The following CCDC77 variants were observed in gnomAD, a reference collection of about 807,000 sequenced individuals.
The protein encoded by CCDC77 is coiled-coil domain-containing protein 77.
In CCDC77, 56 loss-of-function variants were observed where a neutral mutation model predicts 66.8. That is an observed-to-expected ratio of 0.84 (90% CI 0.68 to 1.05). The LOEUF (loss-of-function observed/expected upper bound fraction) is 1.05. Ranked by LOEUF, CCDC77 falls within the 50% of genes least tolerant of loss-of-function variation. The pLI, the probability that CCDC77 is intolerant of heterozygous loss-of-function variation, is 0.00. For missense variants in CCDC77, 570 were observed against 576.8 expected, an observed-to-expected ratio of 0.99 and a Z score of 0.12; for synonymous variants, 196 against 195.2, an observed-to-expected ratio of 1.00 and a Z score of -0.03.
At chr12:430,986 A>G (rs1407739188) in intron 7 of CCDC77, among the ~76,000 whole-genome samples, 1 of 147,226 alleles carries the variant, frequency 6.8e-6, no homozygotes, top group African/African-American at 2.5e-5. Context: ...AGGCTGAGGC[A>G]GGAGGATTTC....
chr12:415,360 TATGTTAATATAATC>T (rs1945215048), intron 4 of CCDC77, among the ~76,000 whole-genome samples: 2 of 112,244 alleles, frequency 1.8e-5, no homozygotes, highest in Non-Finnish European at 3.9e-5. Context: ...AACATAATAT[TATGTTAATATAATC>T]AACATAATAT....
rs1189770839 is a variant in CCDC77, at chr12:433,584, T to C, written c.821+262T>C. On this transcript the variant is annotated intron_variant, in intron 9 of 12. Transcript: ENST00000239830. ...TGCTTCTGGTGGCTAAGAAGTGTTC[T>C]TAGGCCGGGTGCAGTGGCTCACGCC... 3 of 716,072 alleles carry C rather than the reference T, an allele frequency of 4.2e-6. No individual in the cohort carries two copies. In the South Asian group the frequency reaches 1.2e-4, roughly 29 times the overall value. The allele number at this position is 716,072 out of a possible 1,614,324, so 44.4% of individuals were successfully genotyped here.
rs752600033 is a variant in CCDC77, at chr12:428,820, A to G, written c.465A>G (p.Thr155=). ...KIQNLLALVG[T]DAGEVTYFCK... ...AGAATCTCTTGGCTCTTGTGGGAAC[A>G]GATGCTGGAGAAGTGACCTATTTTT... Residue 155 remains threonine (T), a synonymous_variant, in exon 6 of 13, where the codon ACA becomes ACG. Coordinates refer to ENST00000239830, the MANE Select transcript of CCDC77 (RefSeq NM_032358.4). 1.4e-5 allele frequency: 22 copies of G among 1,613,328 alleles called. No individual in the cohort carries two copies. In the East Asian group the frequency reaches 4.9e-4, roughly 36 times the overall value.
chr12:393,267 T>C (rs544262886), intron 1 of CCDC77, among the ~76,000 whole-genome samples: 1 of 151,932 alleles, frequency 6.6e-6, no homozygotes, highest in African/African-American at 2.4e-5. Flanking sequence ...TGCATCGTTA[T>C]GCCCAGCTAA....
At chr12:412,809 G>A (rs1235630100) in intron 4 of CCDC77, among the ~76,000 whole-genome samples, 1 of 151,330 alleles carries the variant, frequency 6.6e-6, no homozygotes, top group East Asian at 1.9e-4. Flanking sequence ...TTCCACATCT[G>A]TGCCATACCC....
In CCDC77 at chr12:440,745, A is replaced by G; in HGVS notation, c.1167+3A>G. On this transcript the variant is annotated splice_donor_region_variant and intron_variant, in intron 11 of 12. Coordinates refer to ENST00000239830, the MANE Select transcript of CCDC77 (RefSeq NM_032358.4). Reference sequence around the variant, plus strand: ...GAATGAGGAGAGAGATCTTCAAGGTACGAAATTATCTGCCACTTGTAATGG... The same window carrying G: ...GAATGAGGAGAGAGATCTTCAAGGTGCGAAATTATCTGCCACTTGTAATGG... 6.2e-7 allele frequency: 1 copy of G among 1,613,990 alleles called. No homozygotes were observed. Among genetic ancestry groups the G allele is most frequent in the Non-Finnish European group, 8.5e-7 (1 of 1,180,040 alleles).
chr12:436,927 AGT>A, intron 9 of CCDC77: 1 of 179,050 alleles, frequency 5.6e-6, no homozygotes, highest in Non-Finnish European at 1.1e-5. Context: ...ACTCATTGAA[AGT>A]GAGAGAGACC....
At chr12:408,713 T>A (rs1427528641) in intron 2 of CCDC77, among the ~76,000 whole-genome samples, 1 of 152,196 alleles carries the variant, frequency 6.6e-6, no homozygotes, top group Non-Finnish European at 1.5e-5. Flanking sequence ...CATCTTCTCC[T>A]CCTATCCTAT....
rs1373910553 is a variant in CCDC77, at chr12:438,378, T to G, written c.865T>G (p.Phe289Val). 1.2e-6 allele frequency: 2 copies of G among 1,614,086 alleles called. No homozygotes were observed. Among genetic ancestry groups the G allele is most frequent in the South Asian group, 2.2e-5 (2 of 91,074 alleles). The change falls in exon 10 of 13, where the codon TTT becomes GTT. Residue 289 changes from phenylalanine (F) to valine (V), a missense_variant. Physicochemically the swap from Phe to Val is conservative, Grantham distance 50. Coordinates refer to ENST00000239830, the MANE Select transcript of CCDC77 (RefSeq NM_032358.4). ...QELLYESTKD[F>V]LQLRSENQNK... The stretch of plus-strand genomic sequence containing the variant: ...ACTGCTCTATGAGAGCACCAAAGAT[T>G]TTCTGCAACTCAGATCTGAAAACCA...
chr12:423,676 T>C (rs1408490464), intron 5 of CCDC77, among the ~76,000 whole-genome samples: 2 of 151,448 alleles, frequency 1.3e-5, no homozygotes, highest in Non-Finnish European at 2.9e-5. Context: ...TTTGTATCTT[T>C]TGAAGAGATG....
chr12:414,552 C>T lies in CCDC77; in HGVS notation c.270+2574C>T, dbSNP rs552279287. Among the ~76,000 whole-genome samples the T allele has an allele frequency of 2.2e-4, 33 of 152,272 alleles. No homozygotes were observed. In the East Asian group the frequency reaches 4.0e-3, roughly 19 times the overall value. On this transcript the variant is annotated intron_variant, in intron 4 of 12. Transcript: ENST00000239830. ...TATCCTTGTATTACACTTCTGCATA[C>T]GGGATGATGACTGTTAAATAACTAA...
At position 411,954 on chromosome 12, in the gene CCDC77, C is replaced by G; in HGVS notation, c.246C>G (p.Leu82=). The G allele has an allele frequency of 6.2e-7, 1 of 1,613,646 alleles. No homozygotes were observed. The highest frequency in any genetic ancestry group is 8.5e-7 in the Non-Finnish European group (1 of 1,179,784). Reference sequence around the variant, plus strand: ...AGGACTTGCTGAAGAAACTGGAACTCTACAAAGAAGCTTGTGAAGGACAGG... The same window carrying G: ...AGGACTTGCTGAAGAAACTGGAACTGTACAAAGAAGCTTGTGAAGGACAGG... The part of the protein sequence containing the change: ...ENEDLLKKLE[L]YKEACEGQHK... The change falls in exon 4 of 13, where the codon CTC becomes CTG. Residue 82 remains leucine, a synonymous_variant. Coordinates refer to ENST00000239830, the MANE Select transcript of CCDC77 (RefSeq NM_032358.4).
intron 1 of CCDC77, among the ~76,000 whole-genome samples, chr12:393,367 C>T (rs1280027696): frequency 6.6e-6 from 1 of 152,126 alleles, no homozygotes; most frequent in Non-Finnish European, 1.5e-5. Context: ...CCCACCTCGG[C>T]CCCCCAAAGT....
chr12:407,809 A>G lies in CCDC77; in HGVS notation c.-16-1559A>G, dbSNP rs560285434. Among the ~76,000 whole-genome samples the G allele has an allele frequency of 4.5e-5, 4 of 88,118 alleles. No individual in the cohort carries two copies. In the East Asian group the frequency reaches 1.7e-3, roughly 37 times the overall value. 57.8% of individuals were successfully genotyped at this position (88,118 alleles called of 152,430 possible). On this transcript the variant is annotated intron_variant, in intron 2 of 12. Transcript: ENST00000239830. ...TTTTTTTTTTTTTTTTTTTTTTGAG[A>G]CGGAGTCTCGCTCTGTTGCCCAGGC...
intron 2 of CCDC77, among the ~76,000 whole-genome samples, chr12:408,663 C>T (rs1029844912): frequency 8.5e-5 from 13 of 152,232 alleles, no homozygotes; most frequent in African/African-American, 2.6e-4. Flanking sequence ...CACTGCACCT[C>T]GCTCTATGTA....
intron 4 of CCDC77, among the ~76,000 whole-genome samples, chr12:417,415 C>T (rs1274604275): frequency 1.3e-5 from 2 of 152,194 alleles, no homozygotes; most frequent in East Asian, 3.9e-4. Context: ...CTTTGATTTC[C>T]CAAACAGATC....
intron 6 of CCDC77, among the ~76,000 whole-genome samples, chr12:430,191 C>G (rs1037372220): frequency 3.3e-5 from 5 of 151,864 alleles, no homozygotes; most frequent in Non-Finnish European, 7.4e-5. Flanking sequence ...TGGGGTTTCT[C>G]CATGTTGGTT....
At chr12:423,115 T>A (rs1298294395) in intron 5 of CCDC77, among the ~76,000 whole-genome samples, 11 of 5,508 alleles carry the variant, frequency 2.0e-3, no homozygotes, top group Middle Eastern at 0.17. Flanking sequence ...CTTTTAAGCC[T>A]TTTTTTTTTT....
chr12:437,208 T>G (rs1159375966), intron 9 of CCDC77, among the ~76,000 whole-genome samples: 7 of 152,250 alleles, frequency 4.6e-5, no homozygotes, highest in Non-Finnish European at 1.0e-4. Flanking sequence ...GTTAAACTGA[T>G]GAGTTGCTAA....
Sources: allele counts gnomAD v4.1 joint callset (sites outside exome capture counted in the v4.1 genomes callset), GRCh38; gene constraint gnomAD v4.1.1; transcripts MANE v1.5; gene names NCBI Gene and HGNC (gene_info 2026-07-23, HGNC 2026-07-21).